The following TRPC4 variants were observed in gnomAD, a reference collection of about 807,000 sequenced individuals.
The protein encoded by TRPC4 is short transient receptor potential channel 4.
TRPC4 carries 49 observed loss-of-function variants against 99.4 expected under a neutral mutation model. That is an observed-to-expected ratio of 0.49 (90% CI 0.39 to 0.63). The LOEUF (loss-of-function observed/expected upper bound fraction) is 0.63, where lower values mean the gene tolerates loss of function less well. Among genes scored for constraint, TRPC4 ranks in the 20% least tolerant of loss-of-function variants. The probability of loss-of-function intolerance (pLI) is 0.00; values close to 1 mark genes in which losing one functional copy is unlikely to be tolerated. For missense variants in TRPC4, 898 were observed against 1,152.9 expected (o/e 0.78, Z 3.20); for synonymous variants, 454 against 425.9 (o/e 1.07, Z -0.81).
intron 2 of TRPC4, among the ~76,000 whole-genome samples, chr13:37,750,929 T>C (rs1955916755): frequency 6.6e-6 from 1 of 152,114 alleles, no homozygotes; most frequent in African/African-American, 2.4e-5. Context: ...ATTTCTAATC[T>C]TCACTGTGCT....
At chr13:37,642,346 AGGCT>A (rs746185519) in intron 8 of TRPC4, among the ~76,000 whole-genome samples, 5 of 152,194 alleles carry the variant, frequency 3.3e-5, no homozygotes, top group East Asian at 3.9e-4. Context: ...GCAAAAGAGA[AGGCT>A]GGCTAGGGGT....
At chr13:37,796,790 T>A (rs2139411751) in intron 1 of TRPC4, among the ~76,000 whole-genome samples, 1 of 151,708 alleles carries the variant, frequency 6.6e-6, no homozygotes, top group East Asian at 1.9e-4. Flanking sequence ...GTCTGCTCAC[T>A]TGTGTCTAAA....
intron 3 of TRPC4, among the ~76,000 whole-genome samples, chr13:37,719,580 T>C (rs924207492): frequency 1.3e-5 from 2 of 152,090 alleles, no homozygotes; most frequent in African/African-American, 4.8e-5. Flanking sequence ...AGCATACCAA[T>C]GTGTAAAGCA....
chr13:37,841,631 C>T (rs957230879), intron 1 of TRPC4, among the ~76,000 whole-genome samples: 4 of 151,384 alleles, frequency 2.6e-5, no homozygotes, highest in African/African-American at 9.7e-5. Context: ...GACAAATAAG[C>T]ACATGAAAAG....
rs536270025 is a variant in TRPC4 at position 37,697,429 on chromosome 13, G to A, written c.898-5094C>T. ...AAGCCTGAAATAACAGATAGATTTC[G>A]ACAGTGACAGCTTCGTAAGTGAATG... On this transcript the variant is annotated intron_variant, in intron 3 of 10. Transcript: ENST00000379705. 7.9e-5 allele frequency among the ~76,000 whole-genome samples: 12 copies of A among 152,284 alleles called. No individual in the cohort carries two copies. In the South Asian group the frequency reaches 1.4e-3, roughly 18 times the overall value.
In TRPC4 at chr13:37,638,545, T is replaced by C. The variant is rs145812595; in HGVS notation, c.2211+495A>G. On this transcript the variant is annotated intron_variant, in intron 10 of 10. Coordinates refer to ENST00000379705, the MANE Select transcript of TRPC4 (RefSeq NM_016179.4). ...ACTCAATAATTTTAAACTAAATTAT[T>C]TTAAACATGTGATTCAAGCATATAA... Among the ~76,000 whole-genome samples the C allele has an allele frequency of 6.6e-3, 998 of 152,260 alleles. 14 individuals are homozygous for C. The highest frequency in any genetic ancestry group is 0.023 in the African/African-American group (947 of 41,564).
rs552655049 is a variant in TRPC4 at position 37,757,937 on chromosome 13, T to G, written c.379-11482A>C. Among the ~76,000 whole-genome samples the G allele has an allele frequency of 2.5e-3, 382 of 152,042 alleles. 1 individual carries two copies. The highest frequency in any genetic ancestry group is 8.6e-3 in the African/African-American group (356 of 41,556). ...TGGGTAGGGTTCAAGGTTGGAAATT[T>G]TCTAAAAAATAGCACTTTATTTTAC... On this transcript the variant is annotated intron_variant, in intron 2 of 10. Transcript: ENST00000379705.
chr13:37,799,773 T>G (rs553767313), intron 1 of TRPC4, among the ~76,000 whole-genome samples: 10 of 152,234 alleles, frequency 6.6e-5, no homozygotes, highest in Admixed American at 2.0e-4. Context: ...AGGTTCGATC[T>G]GAAGACTTCA....
chr13:37,681,123 G>A (rs1245339565), intron 4 of TRPC4, among the ~76,000 whole-genome samples: 1 of 152,120 alleles, frequency 6.6e-6, no homozygotes. Flanking sequence ...ATTTTATTTC[G>A]ACTTCCTTCA....
In TRPC4 at chr13:37,651,418, A is replaced by G. The variant is rs1402922379; in HGVS notation, c.1926T>C (p.Leu642=). The change falls in exon 8 of 11, where the codon CTT becomes CTC. Residue 642 remains leucine (L), a synonymous_variant. Transcript: ENST00000379705. ...DIEWKFARTK[L]WMSYFEEGGT... ...CTCCTTCTTCAAAATAACTCATCCA[A>G]AGCTTTGTTCGTGCAAATTTCCATT... 1.2e-6 allele frequency: 2 copies of G among 1,613,948 alleles called. No individual in the cohort carries two copies. The highest frequency in any genetic ancestry group is 1.7e-6 in the Non-Finnish European group (2 of 1,179,970).
At chr13:37,747,382 C>A (rs895703231) in intron 2 of TRPC4, among the ~76,000 whole-genome samples, 2 of 152,158 alleles carry the variant, frequency 1.3e-5, no homozygotes, top group Non-Finnish European at 2.9e-5. Context: ...CTGTCTGACA[C>A]CCAACCCTGA....
At chr13:37,830,180 T>C (rs1389657494) in intron 1 of TRPC4, among the ~76,000 whole-genome samples, 1 of 152,162 alleles carries the variant, frequency 6.6e-6, no homozygotes, top group Non-Finnish European at 1.5e-5. Context: ...AATGATATGT[T>C]AATTTTTTAA....
chr13:37,750,527 C>T (rs1955904832), intron 2 of TRPC4, among the ~76,000 whole-genome samples: 1 of 152,038 alleles, frequency 6.6e-6, no homozygotes, highest in African/African-American at 2.4e-5. Flanking sequence ...ATATAATTAT[C>T]CTCCTTAGTC....
intron 3 of TRPC4, among the ~76,000 whole-genome samples, chr13:37,711,936 T>A (rs1271174528): frequency 6.6e-6 from 1 of 152,080 alleles, no homozygotes; most frequent in Non-Finnish European, 1.5e-5. Flanking sequence ...AATATAAACA[T>A]TTATTAATGA....
At chr13:37,656,291 G>A (rs1157480486) in intron 6 of TRPC4, among the ~76,000 whole-genome samples, 1 of 152,146 alleles carries the variant, frequency 6.6e-6, no homozygotes, top group Non-Finnish European at 1.5e-5. Context: ...TCGTTAAAAT[G>A]AGACTATATT....
rs1287965364 is a variant in TRPC4, at chr13:37,746,058, G to A, written c.776C>T (p.Thr259Met). Residue 259 changes from threonine (T) to methionine (M), a missense_variant, in exon 3 of 11, where the codon ACG (threonine) becomes ATG (methionine). Physicochemically the swap from Thr to Met is moderately conservative, Grantham distance 81. Transcript: ENST00000379705. ...GATTTCCAGTTCTCTGGAACTTCTC[G>A]TCTGATCCAGTAGGTCCTTAGCAAA... ...KQFAKDLLDQTRSSRELEIIL... is the reference protein window; with the variant it reads ...KQFAKDLLDQMRSSRELEIIL... The A allele has an allele frequency of 1.2e-6, 2 of 1,613,822 alleles. No homozygotes were observed. Among genetic ancestry groups the A allele is most frequent in the South Asian group, 1.1e-5 (1 of 91,072 alleles).
Position 37,636,752 on chromosome 13 carries a change from C to T in TRPC4, c.*151G>A, listed in dbSNP as rs1380763389. The T allele has an allele frequency of 9.7e-7, 1 of 1,032,320 alleles. No homozygotes were observed. Among genetic ancestry groups the T allele is most frequent in the East Asian group, 2.7e-5 (1 of 36,682 alleles). 63.9% of individuals were successfully genotyped at this position (1,032,320 alleles called of 1,614,324 possible). A position where few individuals can be genotyped will look rare whatever the true frequency, so the allele number is the denominator to read the frequency against. ...CAAAAAGGTTTTTGATTGCCTTTGC[C>T]TTATTTAAACATGTTACAGGTAATA... is the stretch of plus-strand genomic sequence containing the variant. On this transcript the variant is annotated 3_prime_UTR_variant, in exon 11 of 11. Transcript: ENST00000379705.
chr13:37,739,176 GTATAA>G (rs1955502421), intron 3 of TRPC4, among the ~76,000 whole-genome samples: 1 of 152,114 alleles, frequency 6.6e-6, no homozygotes, highest in Non-Finnish European at 1.5e-5. Flanking sequence ...TTTAACCTGG[GTATAA>G]TATAAGGGAA....
intron 1 of TRPC4, among the ~76,000 whole-genome samples, chr13:37,783,701 G>A (rs7995772): frequency 0.52 from 79,074 of 151,878 alleles, 21,123 homozygotes; most frequent in East Asian, 0.78. Context: ...CAATCACTTT[G>A]AGTATCAGAG....
Sources: allele counts gnomAD v4.1 joint callset (sites outside exome capture counted in the v4.1 genomes callset), GRCh38; gene constraint gnomAD v4.1.1; transcripts MANE v1.5; gene names NCBI Gene and HGNC (gene_info 2026-07-23, HGNC 2026-07-21).